The following PTH2R variants were observed in gnomAD, a reference collection of about 807,000 sequenced individuals.
The protein encoded by PTH2R is parathyroid hormone 2 receptor, also known as PTH2 receptor.
A neutral mutation model predicts 60.3 loss-of-function variants in PTH2R; 59 were observed. The observed-to-expected ratio is 0.98, with a 90% CI of 0.79 to 1.22. PTH2R has a LOEUF of 1.22. Ranked by LOEUF, PTH2R falls within the 50% of genes most tolerant of loss-of-function variation. The pLI, the probability that PTH2R is intolerant of heterozygous loss-of-function variation, is 0.00. For synonymous variants in PTH2R, 256 were observed against 243.8 expected, an observed-to-expected ratio of 1.05 and a Z score of -0.47; for missense variants, 749 against 682.6, an observed-to-expected ratio of 1.10 and a Z score of -1.08.
At chr2:208,393,141 C>T (rs1243010420) in intron 1 of PTH2R, among the ~76,000 whole-genome samples, 1 of 152,210 alleles carries the variant, frequency 6.6e-6, no homozygotes, top group Non-Finnish European at 1.5e-5. Context: ...CTCAGGCCTC[C>T]TCCTGATCCC....
chr2:208,470,144 G>T (rs1702849092), intron 9 of PTH2R, among the ~76,000 whole-genome samples: 1 of 152,230 alleles, frequency 6.6e-6, no homozygotes. Context: ...CCTTGAGAAT[G>T]CCAGTATTAT....
At chr2:208,385,977 A>G (rs1347514222) in intron 1 of PTH2R, among the ~76,000 whole-genome samples, 1 of 152,218 alleles carries the variant, frequency 6.6e-6, no homozygotes, top group East Asian at 1.9e-4. Context: ...GGCATTCATC[A>G]TCACCATATT....
chr2:208,422,383 C>T (rs1701774591), intron 1 of PTH2R, among the ~76,000 whole-genome samples: 1 of 152,148 alleles, frequency 6.6e-6, no homozygotes, highest in Non-Finnish European at 1.5e-5. Context: ...AACCACCACA[C>T]TTGCCTAGAG....
At chr2:208,391,578 G>A (rs1309351097) in intron 1 of PTH2R, among the ~76,000 whole-genome samples, 1 of 152,152 alleles carries the variant, frequency 6.6e-6, no homozygotes, top group Non-Finnish European at 1.5e-5. Context: ...AGGTTTCCAG[G>A]TTAAAAGATG....
chr2:208,489,673 A>G (rs990664626), intron 11 of PTH2R, among the ~76,000 whole-genome samples: 3 of 152,180 alleles, frequency 2.0e-5, no homozygotes, highest in Non-Finnish European at 4.4e-5. Flanking sequence ...AAGAATATAC[A>G]TTTGATCATG....
chr2:208,490,673 A>G lies in PTH2R; in HGVS notation c.1250A>G (p.Asn417Ser). 6.2e-7 allele frequency: 1 copy of G among 1,609,002 alleles called. No homozygotes were observed. Among genetic ancestry groups the G allele is most frequent in the Non-Finnish European group, 8.5e-7 (1 of 1,178,716 alleles). ...FFVSIIYCYC[N>S]GEVQAEVKKM... is the part of the protein sequence containing the mutation. ...GTGTCTATCATCTACTGCTACTGCA[A>G]TGGAGAGGTAGGTTTGTAGGAACCT... The change falls in exon 12 of 13, where the codon AAT becomes AGT. Residue 417 changes from asparagine to serine, a missense_variant. Transcript: ENST00000272847.
Position 208,493,573 on chromosome 2 carries a change from G to T in PTH2R, c.1567G>T (p.Asp523Tyr), listed in dbSNP as rs866078931. ...TKEDSGRQGD[D>Y]ILMEKPSRPM... is the part of the protein sequence containing the mutation. Reference sequence around the variant, plus strand: ...GGAAGATAGTGGGAGGCAGGGAGATGATATTCTAATGGAGAAGCCTTCCAG... The same window carrying T: ...GGAAGATAGTGGGAGGCAGGGAGATTATATTCTAATGGAGAAGCCTTCCAG... The change falls in exon 13 of 13, where the codon GAT becomes TAT. Residue 523 changes from aspartate to tyrosine, a missense_variant. Asp to Tyr is a radical substitution (Grantham distance 160). Coordinates refer to ENST00000272847, the MANE Select transcript of PTH2R (RefSeq NM_005048.4). The T allele has an allele frequency of 5.0e-6, 8 of 1,613,172 alleles. No homozygotes were observed. The Middle Eastern group carries it at 1.3e-3, about 266-fold the overall frequency.
intron 1 of PTH2R, among the ~76,000 whole-genome samples, chr2:208,421,743 T>C (rs1423236422): frequency 2.6e-5 from 4 of 152,186 alleles, no homozygotes; most frequent in Non-Finnish European, 1.5e-5. Flanking sequence ...TATAAGTTCA[T>C]GTGAACTTTT....
chr2:208,393,047 T>G (rs1487786574), intron 1 of PTH2R, among the ~76,000 whole-genome samples: 2 of 152,210 alleles, frequency 1.3e-5, no homozygotes, highest in African/African-American at 2.4e-5. Flanking sequence ...TAACACCTAG[T>G]GGATGCACCT....
chr2:208,442,568 GT>G (rs1702208687), intron 5 of PTH2R, 107 bp downstream of exon 5: 1 of 846,682 alleles, frequency 1.2e-6, no homozygotes, highest in African/African-American at 1.7e-5. Flanking sequence ...TCAAATGCAA[GT>G]TTTTGAATTC....
At chr2:208,460,689 C>T (rs1448824050) in intron 9 of PTH2R, among the ~76,000 whole-genome samples, 1 of 152,070 alleles carries the variant, frequency 6.6e-6, no homozygotes, top group Non-Finnish European at 1.5e-5. Context: ...TCTTGATCTT[C>T]TTTGAAGACT....
At chr2:208,424,543 T>G (rs1457970483) in intron 1 of PTH2R, among the ~76,000 whole-genome samples, 1 of 152,228 alleles carries the variant, frequency 6.6e-6, no homozygotes, top group Non-Finnish European at 1.5e-5. Flanking sequence ...TCTTACAACT[T>G]CCACATTTCT....
intron 10 of PTH2R, among the ~76,000 whole-genome samples, chr2:208,486,469 T>A (rs558138787): frequency 7.5e-4 from 114 of 152,338 alleles, no homozygotes; most frequent in African/African-American, 2.6e-3. Flanking sequence ...CACTGGTGTA[T>A]TTTTTGTTTT....
intron 10 of PTH2R, among the ~76,000 whole-genome samples, chr2:208,482,945 G>C (rs558790275): frequency 1.1e-4 from 17 of 152,350 alleles, no homozygotes; most frequent in African/African-American, 4.1e-4. Flanking sequence ...TCTGCAGGGG[G>C]AAGCACATCA....
chr2:208,361,765 T>C (rs1700478221), intron 1 of PTH2R, among the ~76,000 whole-genome samples: 1 of 152,118 alleles, frequency 6.6e-6, no homozygotes, highest in East Asian at 1.9e-4. Flanking sequence ...GATTTCCTTT[T>C]TTTTTTTTAA....
chr2:208,429,547 A>G (rs1701928368), intron 2 of PTH2R, among the ~76,000 whole-genome samples: 1 of 152,160 alleles, frequency 6.6e-6, no homozygotes, highest in African/African-American at 2.4e-5. Flanking sequence ...AAAAATTTAA[A>G]ACACTAGTTT....
At chr2:208,462,608 G>T (rs1054399184) in intron 9 of PTH2R, among the ~76,000 whole-genome samples, 1 of 152,280 alleles carries the variant, frequency 6.6e-6, no homozygotes, top group South Asian at 2.1e-4. Context: ...GGATTCCAAG[G>T]ACAGTGATTA....
At chr2:208,408,184 T>C (rs1043451423) in intron 1 of PTH2R, among the ~76,000 whole-genome samples, 1 of 152,224 alleles carries the variant, frequency 6.6e-6, no homozygotes, top group Non-Finnish European at 1.5e-5. Context: ...ATTTTGTTAA[T>C]AAATAAATTT....
In PTH2R at chr2:208,390,401, A is replaced by G. The variant is rs562263989; in HGVS notation, c.-259+30164A>G. Among the ~76,000 whole-genome samples, 31 of 152,340 alleles carry G rather than the reference A, an allele frequency of 2.0e-4. 1 individual carries two copies. The highest frequency in any genetic ancestry group is 7.0e-4 in the African/African-American group (29 of 41,586). ...TCTTGAAAGGTTAAAGGTAAAGCCA[A>G]TAAAGGGAACCCCAAGACGATGAGT... is the stretch of plus-strand genomic sequence containing the variant. On this transcript the variant is annotated intron_variant, in intron 1 of 12. Coordinates refer to the PTH2R transcript ENST00000617735.
Sources: allele counts gnomAD v4.1 joint callset (sites outside exome capture counted in the v4.1 genomes callset), GRCh38; gene constraint gnomAD v4.1.1; transcripts MANE v1.5; gene names NCBI Gene and HGNC (gene_info 2026-07-23, HGNC 2026-07-21).